The following USP45 variants were observed in gnomAD, a reference collection of about 807,000 sequenced individuals.
USP45 encodes ubiquitin carboxyl-terminal hydrolase 45.
A neutral mutation model predicts 95.8 loss-of-function variants in USP45; 89 were observed. That is an observed-to-expected ratio of 0.93 (90% CI 0.78 to 1.11). The LOEUF is 1.11. USP45 is among the 50% of genes least tolerant of loss of function. The pLI is 0.00. For synonymous variants in USP45, 281 were observed against 316.2 expected (o/e 0.89, Z 1.18); for missense variants, 898 against 942.5 (o/e 0.95, Z 0.62).
intron 5 of USP45, among the ~76,000 whole-genome samples, chr6:99,493,172 A>T (rs1400723385): frequency 6.6e-6 from 1 of 151,716 alleles, no homozygotes; most frequent in Non-Finnish European, 1.5e-5. Flanking sequence ...GATTACAGGC[A>T]CATGCCACCA....
Position 99,432,613 on chromosome 6 carries a change from A to C in USP45, c.*3103T>G, listed in dbSNP as rs1435099940. The C allele has an allele frequency of 6.6e-6, 1 of 152,088 alleles. No individual in the cohort carries two copies. Among genetic ancestry groups the C allele is most frequent in the African/African-American group, 2.4e-5 (1 of 41,426 alleles). The allele number at this position is 152,088 out of a possible 1,614,324, so 9.4% of individuals were successfully genotyped here. A position where few individuals can be genotyped will look rare whatever the true frequency, so the allele number is the denominator to read the frequency against. ...GGTCATCTTTTAAACATTTGAATTC[A>C]TGATTTCTACGTAAACAAAAACATC... On this transcript the variant is annotated 3_prime_UTR_variant, in exon 18 of 18. Transcript: ENST00000500704.
rs772553306 is a variant in USP45, at chr6:99,476,147, G to A, written c.929C>T (p.Thr310Ile). The A allele has an allele frequency of 5.1e-5, 83 of 1,612,650 alleles. No homozygotes were observed. In the East Asian group the frequency reaches 1.8e-3, roughly 35 times the overall value. Residue 310 changes from threonine to isoleucine, a missense_variant, in exon 9 of 18, where the codon ACA becomes ATA. By Grantham distance (89) the Thr-to-Ile change is moderately conservative (BLOSUM62 -1). Transcript: ENST00000500704. ...ATATACATAAAGAAACCTGACCTTT[G>A]TTTCTTCTGTCCTCACTGCATCCAG... ...YLLDAVRTEE[T>I]KRIQASILKA...
chr6:99,464,720 T>C lies in USP45; in HGVS notation c.1192A>G (p.Met398Val). 6.2e-6 allele frequency: 10 copies of C among 1,609,728 alleles called. No individual in the cohort carries two copies. The highest frequency in any genetic ancestry group is 8.5e-6 in the Non-Finnish European group (10 of 1,179,172). The part of the protein sequence containing the change: ...RVSKPLLWGR[M>V]NKYRSLRETD... ...TCCCGTAAACTTCTATATTTATTCA[T>C]TCTTCCCCAAAGTAAAGGTTTTGAA... The change falls in exon 13 of 18, where the codon ATG becomes GTG. Residue 398 changes from methionine (M) to valine (V), a missense_variant. Met to Val is a conservative substitution (Grantham distance 21). Transcript: ENST00000500704.
chr6:99,454,353 A>T (rs1412481228), intron 13 of USP45, among the ~76,000 whole-genome samples: 1 of 152,200 alleles, frequency 6.6e-6, no homozygotes, highest in Non-Finnish European at 1.5e-5. Context: ...AGAATATAAA[A>T]CCACAAGAAG....
chr6:99,484,025 T>TTTTTTTTA (rs1427246582), intron 7 of USP45, among the ~76,000 whole-genome samples: 5 of 145,640 alleles, frequency 3.4e-5, no homozygotes, highest in African/African-American at 7.6e-5. Context: ...TTTTTTTTTT[T>TTTTTTTTA]AAAGAGACAG....
At chr6:99,481,651 C>T (rs1435470798) in intron 8 of USP45, among the ~76,000 whole-genome samples, 1 of 152,112 alleles carries the variant, frequency 6.6e-6, no homozygotes, top group Non-Finnish European at 1.5e-5. Flanking sequence ...GTTAGTTTTT[C>T]AACCCTTCCT....
At chr6:99,515,497 C>G (rs1801009170), upstream of USP45, 1 of 152,104 alleles carries the variant, frequency 6.6e-6, no homozygotes, top group Non-Finnish European at 1.5e-5. Context: ...CCAGCCAGGA[C>G]CGGGAGGGTT....
chr6:99,473,435 TA>T (rs1234770648), intron 9 of USP45, among the ~76,000 whole-genome samples: 2 of 151,588 alleles, frequency 1.3e-5, no homozygotes, highest in Non-Finnish European at 2.9e-5. Flanking sequence ...TAATCCCAGC[TA>T]TTCAGGAGGC....
intron 13 of USP45, among the ~76,000 whole-genome samples, chr6:99,463,724 A>G (rs1036630918): frequency 1.3e-5 from 2 of 149,970 alleles, no homozygotes; most frequent in African/African-American, 4.9e-5. Flanking sequence ...AGGCAGGAGA[A>G]TCGCTTGAAC....
chr6:99,460,147 T>C (rs17181369), intron 13 of USP45, among the ~76,000 whole-genome samples: 46,601 of 152,080 alleles, frequency 0.31, 7,418 homozygotes, highest in Middle Eastern at 0.39. Context: ...CTGATGCTTA[T>C]CATCCTTCAT....
Position 99,437,174 on chromosome 6 carries a change from A to T in USP45, c.2314+72T>A. ...CACTAGAGGCATCTATGAAATAATA[A>T]CTTAGCTCTCCCAGAAAAGGAAGCA... On this transcript the variant is annotated intron_variant, in intron 17 of 17. Coordinates refer to ENST00000500704, the MANE Select transcript of USP45 (RefSeq NM_001346022.3). 2.0e-6 allele frequency: 3 copies of T among 1,464,350 alleles called. No individual in the cohort carries two copies. In the South Asian group the frequency reaches 4.0e-5, roughly 20 times the overall value. 90.7% of individuals were successfully genotyped at this position (1,464,350 alleles called of 1,614,324 possible).
intron 5 of USP45, among the ~76,000 whole-genome samples, chr6:99,496,982 A>T (rs9389427): frequency 6.6e-6 from 1 of 152,042 alleles, no homozygotes; most frequent in Admixed American, 6.5e-5. Context: ...GGCAGTGTAC[A>T]TTCTATGGAT....
chr6:99,477,189 A>T (rs1181102153), intron 8 of USP45, among the ~76,000 whole-genome samples: 2 of 152,256 alleles, frequency 1.3e-5, no homozygotes, highest in African/African-American at 4.8e-5. Flanking sequence ...TCAGGAATTT[A>T]TAATTAATAT....
chr6:99,502,862 G>A (rs372689334), intron 5 of USP45, among the ~76,000 whole-genome samples: 3 of 152,128 alleles, frequency 2.0e-5, no homozygotes, highest in South Asian at 2.1e-4. Flanking sequence ...CATGTAAGAC[G>A]TGCCTGCTTC....
intron 13 of USP45, among the ~76,000 whole-genome samples, chr6:99,447,968 A>G (rs1782919881): frequency 6.6e-6 from 1 of 152,232 alleles, no homozygotes; most frequent in Non-Finnish European, 1.5e-5. Context: ...ACTCCAACAG[A>G]CCTGCAGCTG....
chr6:99,456,423 C>T (rs1785107371), intron 13 of USP45, among the ~76,000 whole-genome samples: 1 of 152,080 alleles, frequency 6.6e-6, no homozygotes, highest in Non-Finnish European at 1.5e-5. Context: ...TCCCAAATAC[C>T]CTGACTACTG....
intron 13 of USP45, among the ~76,000 whole-genome samples, chr6:99,456,685 G>A (rs1785165015): frequency 6.6e-6 from 1 of 152,148 alleles, no homozygotes; most frequent in Non-Finnish European, 1.5e-5. Context: ...AGCTGAGGAG[G>A]ATGTATGTTG....
At chr6:99,457,000 A>C (rs1273336794) in intron 13 of USP45, among the ~76,000 whole-genome samples, 1 of 152,182 alleles carries the variant, frequency 6.6e-6, no homozygotes, top group Non-Finnish European at 1.5e-5. Context: ...GCCGTCTCTT[A>C]TGGTCGAGAC....
intron 12 of USP45, 121 bp from the exon 13 acceptor site, chr6:99,464,868 G>A (rs73494567): frequency 0.041 from 49,746 of 1,208,274 alleles, 2,485 homozygotes; most frequent in East Asian, 0.29. Flanking sequence ...AAAATAAAAA[G>A]TGTTTAAGAG....
Sources: allele counts gnomAD v4.1 joint callset (sites outside exome capture counted in the v4.1 genomes callset), GRCh38; gene constraint gnomAD v4.1.1; transcripts MANE v1.5; gene names NCBI Gene and HGNC (gene_info 2026-07-23, HGNC 2026-07-21).